TRPM3: variants seen among roughly 807,000 people sequenced by gnomAD.
TRPM3 encodes transient receptor potential cation channel subfamily M member 3.
TRPM3 carries 77 observed loss-of-function variants against 181.2 expected under a neutral mutation model. That is an observed-to-expected ratio of 0.42 (90% CI 0.35 to 0.51). The LOEUF is 0.51. Ranked by LOEUF, TRPM3 falls within the 20% of genes least tolerant of loss-of-function variation. TRPM3 has a pLI of 0.01. For missense variants in TRPM3, 1,759 were observed against 2,196.7 expected (o/e 0.80, Z 3.98); for synonymous variants, 745 against 796.4 (o/e 0.94, Z 1.09).
intron 1 of TRPM3, among the ~76,000 whole-genome samples, chr9:71,344,895 CAAATT>C (rs1565483150): frequency 6.6e-6 from 1 of 152,036 alleles, no homozygotes; most frequent in African/African-American, 2.4e-5. Context: ...AACAAACACT[CAAATT>C]AAAAAGTGGC....
intron 1 of TRPM3, among the ~76,000 whole-genome samples, chr9:71,432,461 T>C (rs371323577): frequency 1.3e-5 from 2 of 151,926 alleles, no homozygotes; most frequent in Non-Finnish European, 2.9e-5. Flanking sequence ...GTGCATTCTA[T>C]AGTTACATTC....
rs544642702 is a variant in TRPM3 at position 71,313,260 on chromosome 9, T to G, written c.183+133393A>C. Among the ~76,000 whole-genome samples, 3 of 152,248 alleles carry G rather than the reference T, an allele frequency of 2.0e-5. No individual in the cohort carries two copies. In the East Asian group the frequency reaches 5.8e-4, roughly 29 times the overall value. On this transcript the variant is annotated intron_variant, in intron 1 of 24. Transcript: ENST00000357533. ...ATTAAGACAAAACACTAAAAATTTT[T>G]TAAGTACTATCTTTATGTTCTTATA...
intron 1 of TRPM3, among the ~76,000 whole-genome samples, chr9:71,319,832 G>C (rs2089026075): frequency 6.6e-6 from 1 of 152,034 alleles, no homozygotes; most frequent in Non-Finnish European, 1.5e-5. Flanking sequence ...GAAATGGGAA[G>C]GAAATTTTGA....
chr9:71,265,512 A>AT (rs1392703665), intron 1 of TRPM3, among the ~76,000 whole-genome samples: 1 of 152,186 alleles, frequency 6.6e-6, no homozygotes, highest in African/African-American at 2.4e-5. Context: ...GTCCCATCTG[A>AT]TTATATACAT....
chr9:71,429,023 G>A (rs1292430988), intron 1 of TRPM3, among the ~76,000 whole-genome samples: 2 of 150,358 alleles, frequency 1.3e-5, no homozygotes, highest in East Asian at 3.9e-4. Context: ...CCTCATCTTT[G>A]CACAATACTG....
Position 70,535,748 on chromosome 9 carries a change from C to T in TRPM3, c.*205G>A. On this transcript the variant is annotated 3_prime_UTR_variant, in exon 26 of 26. Coordinates refer to ENST00000677713, the MANE Select transcript of TRPM3 (RefSeq NM_001366145.2). ...CAGCAAGTGTGAACATGCCTTAAAT[C>T]CCCTGTGTCTGGCACTGGGTCAGAT... is the stretch of plus-strand genomic sequence containing the variant. The T allele has an allele frequency of 6.9e-7, 1 of 1,451,488 alleles. No homozygotes were observed. The allele number at this position is 1,451,488 out of a possible 1,614,324, so 89.9% of individuals were successfully genotyped here. A position where few individuals can be genotyped will look rare whatever the true frequency, so the allele number is the denominator to read the frequency against.
At chr9:70,759,814 C>T (rs542170048) in intron 8 of TRPM3, among the ~76,000 whole-genome samples, 29 of 152,002 alleles carry the variant, frequency 1.9e-4, no homozygotes, top group Admixed American at 3.9e-4. Flanking sequence ...AGGGTAACAT[C>T]GCACACCAGG....
chr9:70,699,167 T>C (rs984478299), intron 8 of TRPM3, among the ~76,000 whole-genome samples: 2 of 151,954 alleles, frequency 1.3e-5, no homozygotes, highest in Admixed American at 6.6e-5. Context: ...TGGGGAGAAA[T>C]AGAGATTCAA....
intron 5 of TRPM3, among the ~76,000 whole-genome samples, chr9:70,836,514 A>C (rs555906661): frequency 2.0e-5 from 3 of 152,178 alleles, no homozygotes; most frequent in Non-Finnish European, 4.4e-5. Flanking sequence ...ATCCATCTTG[A>C]TGAAATGGAT....
At chr9:71,424,793 C>A (rs1116530) in intron 1 of TRPM3, among the ~76,000 whole-genome samples, 22,572 of 152,074 alleles carry the variant, frequency 0.15, 1,966 homozygotes, top group African/African-American at 0.24. Flanking sequence ...TAGGACCTCC[C>A]AGTTGCCTGT....
At chr9:70,857,517 T>C (rs1239407936) in intron 3 of TRPM3, among the ~76,000 whole-genome samples, 2 of 152,204 alleles carry the variant, frequency 1.3e-5, no homozygotes, top group African/African-American at 4.8e-5. Context: ...TCTAAATTGA[T>C]GTTTCCTTAT....
intron 1 of TRPM3, among the ~76,000 whole-genome samples, chr9:71,205,161 T>C (rs988280329): frequency 6.6e-6 from 1 of 152,038 alleles, no homozygotes; most frequent in African/African-American, 2.4e-5. Flanking sequence ...CATGTATACA[T>C]ATGTAACTAA....
chr9:70,817,255 T>C (rs1482273244), intron 6 of TRPM3, among the ~76,000 whole-genome samples: 1 of 152,236 alleles, frequency 6.6e-6, no homozygotes, highest in African/African-American at 2.4e-5. Context: ...ATGGTGTGTG[T>C]GACTTCCTCA....
At chr9:70,866,191 A>G (rs978488579) in intron 1 of TRPM3, among the ~76,000 whole-genome samples, 1 of 152,090 alleles carries the variant, frequency 6.6e-6, no homozygotes, top group Non-Finnish European at 1.5e-5. Flanking sequence ...AGAGGGTAAA[A>G]TGCTCTTCAC....
At chr9:70,553,532 A>G (rs993667124) in intron 22 of TRPM3, among the ~76,000 whole-genome samples, 2 of 152,164 alleles carry the variant, frequency 1.3e-5, no homozygotes, top group Non-Finnish European at 2.9e-5. Context: ...AGTCTCCCCA[A>G]GTTATCACCT....
chr9:71,330,252 T>A (rs2090013753), intron 1 of TRPM3, among the ~76,000 whole-genome samples: 1 of 151,928 alleles, frequency 6.6e-6, no homozygotes, highest in Admixed American at 6.6e-5. Context: ...TGCAGATTTT[T>A]GTTAAGGTTA....
chr9:71,284,915 A>G (rs779502530), intron 1 of TRPM3, among the ~76,000 whole-genome samples: 5 of 152,256 alleles, frequency 3.3e-5, no homozygotes, highest in Non-Finnish European at 7.3e-5. Context: ...TCACACTTAC[A>G]AAGTATATTA....
intron 11 of TRPM3, among the ~76,000 whole-genome samples, chr9:70,636,287 A>G (rs1036066638): frequency 2.2e-5 from 3 of 134,360 alleles, no homozygotes; most frequent in Admixed American, 7.3e-5. Flanking sequence ...TTAAAAATGT[A>G]AAAAAAAAAA....
chr9:70,866,408 G>GA (rs1437596277), intron 1 of TRPM3, among the ~76,000 whole-genome samples: 1 of 151,982 alleles, frequency 6.6e-6, no homozygotes, highest in Non-Finnish European at 1.5e-5. Flanking sequence ...TCTGCATTTA[G>GA]AAAAAATGGT....
Sources: allele counts gnomAD v4.1 joint callset (sites outside exome capture counted in the v4.1 genomes callset), GRCh38; gene constraint gnomAD v4.1.1; transcripts MANE v1.5; gene names NCBI Gene and HGNC (gene_info 2026-07-23, HGNC 2026-07-21).